Variants in GAREM1 observed in about 807,000 individuals in gnomAD.
The protein encoded by GAREM1 is GRB2-associated and regulator of MAPK protein 1.
A neutral mutation model predicts 71.3 loss-of-function variants in GAREM1; 26 were observed. That is an observed-to-expected ratio of 0.36 (90% CI 0.27 to 0.51). The LOEUF is 0.51. Ranked by LOEUF, GAREM1 falls within the 20% of genes least tolerant of loss-of-function variation. The pLI is 0.95. For synonymous variants in GAREM1, 440 were observed against 433.2 expected (o/e 1.02, Z -0.20); for missense variants, 1,026 against 1,103.1 (o/e 0.93, Z 0.99).
At chr18:32,415,678 T>C (rs11872355) in intron 1 of GAREM1, among the ~76,000 whole-genome samples, 15,214 of 152,074 alleles carry the variant, frequency 0.1, 961 homozygotes, top group African/African-American at 0.18. Context: ...AACATACCTT[T>C]ATGATAAAAA....
At chr18:32,275,591 C>T (rs992185900) in intron 4 of GAREM1, among the ~76,000 whole-genome samples, 1 of 152,226 alleles carries the variant, frequency 6.6e-6, no homozygotes, top group African/African-American at 2.4e-5. Flanking sequence ...CAAAGCCTCG[C>T]TTCCTGAGCA....
Position 32,437,223 on chromosome 18 carries a change from T to C in GAREM1, c.121+33085A>G, listed in dbSNP as rs970712479. On this transcript the variant is annotated intron_variant, in intron 1 of 5. Coordinates refer to ENST00000269209, the MANE Select transcript of GAREM1 (RefSeq NM_001242409.2). ...TGGGCTTTAGCTGTTATTTCACGTG[T>C]TACTCAGCAATGACCTCGAGAGGAC... 2.0e-5 allele frequency among the ~76,000 whole-genome samples: 3 copies of C among 152,142 alleles called. No individual in the cohort carries two copies. In the East Asian group the frequency reaches 5.8e-4, roughly 29 times the overall value.
At chr18:32,446,767 T>C (rs922476694) in intron 1 of GAREM1, among the ~76,000 whole-genome samples, 1 of 152,188 alleles carries the variant, frequency 6.6e-6, no homozygotes, top group African/African-American at 2.4e-5. Context: ...ATTGCTTCCA[T>C]CAACACTTTT....
At chr18:32,315,590 C>T (rs1158570649) in intron 2 of GAREM1, among the ~76,000 whole-genome samples, 1 of 150,744 alleles carries the variant, frequency 6.6e-6, no homozygotes, top group Non-Finnish European at 1.5e-5. Context: ...GTATGTTTTA[C>T]ACTTAGGGAT....
rs2041370232 is a variant in GAREM1 at position 32,266,120 on chromosome 18, A to T, written c.*1751T>A. 6.7e-6 allele frequency: 1 copy of T among 150,296 alleles called. No individual in the cohort carries two copies. Among genetic ancestry groups the T allele is most frequent in the Non-Finnish European group, 1.5e-5 (1 of 67,792 alleles). 9.3% of individuals were successfully genotyped at this position (150,296 alleles called of 1,614,324 possible). A position where few individuals can be genotyped will look rare whatever the true frequency, so the allele number is the denominator to read the frequency against. The stretch of plus-strand genomic sequence containing the variant: ...ATTTTGGGAGACACGTTAGGAGAAA[A>T]AAAATGCTTTTTTTTTTGATAAAGG... On this transcript the variant is annotated 3_prime_UTR_variant, in exon 6 of 6. Coordinates refer to ENST00000269209, the MANE Select transcript of GAREM1 (RefSeq NM_001242409.2).
intron 2 of GAREM1, among the ~76,000 whole-genome samples, chr18:32,370,090 C>CA (rs1567983240): frequency 1.3e-5 from 2 of 152,138 alleles, no homozygotes; most frequent in African/African-American, 4.8e-5. Context: ...TACTTCATGG[C>CA]AATTTTAAAG....
At chr18:32,405,416 T>C (rs920399577) in intron 1 of GAREM1, among the ~76,000 whole-genome samples, 1 of 152,104 alleles carries the variant, frequency 6.6e-6, no homozygotes, top group Non-Finnish European at 1.5e-5. Context: ...CAGGCTGGTC[T>C]CAAACTCCTG....
intron 4 of GAREM1, among the ~76,000 whole-genome samples, chr18:32,270,890 C>T (rs1306556806): frequency 7.5e-6 from 1 of 134,072 alleles, no homozygotes; most frequent in East Asian, 2.2e-4. Flanking sequence ...AAGTCATGTT[C>T]AGGGATGTTT....
chr18:32,267,762 T>TA lies in GAREM1; in HGVS notation c.*108dup. 1.2e-6 allele frequency: 1 copy of TA among 813,718 alleles called. No homozygotes were observed. Among genetic ancestry groups the TA allele is most frequent in the South Asian group, 1.8e-5 (1 of 54,942 alleles). The allele number at this position is 813,718 out of a possible 1,614,324, so 50.4% of individuals were successfully genotyped here. A position where few individuals can be genotyped will look rare whatever the true frequency, so the allele number is the denominator to read the frequency against. On this transcript the variant is annotated 3_prime_UTR_variant, in exon 6 of 6. Transcript: ENST00000269209. ...GCATAGTAAGAGTTTCTCTTATCCC[T>TA]ATTTACAGAGAAGGTTTTTAGTGCA...
At chr18:32,309,198 G>A (rs958623115) in intron 3 of GAREM1, among the ~76,000 whole-genome samples, 9 of 150,048 alleles carry the variant, frequency 6.0e-5, no homozygotes, top group South Asian at 2.1e-4. Flanking sequence ...AAATGTGGAA[G>A]ATTTGCAGGC....
At chr18:32,330,988 A>C (rs2047528965) in intron 2 of GAREM1, among the ~76,000 whole-genome samples, 1 of 152,324 alleles carries the variant, frequency 6.6e-6, no homozygotes, top group African/African-American at 2.4e-5. Context: ...CTCTGACATA[A>C]GTACATCCTA....
At chr18:32,273,577 A>T (rs2041495195) in intron 4 of GAREM1, among the ~76,000 whole-genome samples, 1 of 152,186 alleles carries the variant, frequency 6.6e-6, no homozygotes, top group African/African-American at 2.4e-5. Context: ...TTTCTAAGCT[A>T]AAGGGCCTGG....
At chr18:32,286,306 G>A (rs556419354) in intron 4 of GAREM1, among the ~76,000 whole-genome samples, 1 of 150,930 alleles carries the variant, frequency 6.6e-6, no homozygotes, top group African/African-American at 2.5e-5. Context: ...GAACTACCCT[G>A]GCACCTGGTT....
chr18:32,333,504 T>C (rs1161190348), intron 2 of GAREM1, among the ~76,000 whole-genome samples: 1 of 152,152 alleles, frequency 6.6e-6, no homozygotes, highest in African/African-American at 2.4e-5. Context: ...AAAGAGAAGA[T>C]TGAGGCCCCT....
At position 32,324,631 on chromosome 18, in the gene GAREM1, C is replaced by T. The variant is rs146559872; in HGVS notation, c.263-14308G>A. Among the ~76,000 whole-genome samples, 589 of 152,280 alleles carry T rather than the reference C, an allele frequency of 3.9e-3. 5 individuals are homozygous for T. Among genetic ancestry groups the T allele is most frequent in the African/African-American group, 0.013 (559 of 41,554 alleles). ...AGGACAGTCCAAATTCTAACACCCA[C>T]GCCAGCTTGCGCATTGACTTGGATA... On this transcript the variant is annotated intron_variant, in intron 2 of 5. Coordinates refer to ENST00000269209, the MANE Select transcript of GAREM1 (RefSeq NM_001242409.2).
At chr18:32,469,413 C>A (rs191456553) in intron 1 of GAREM1, among the ~76,000 whole-genome samples, 2 of 152,166 alleles carry the variant, frequency 1.3e-5, no homozygotes, top group Non-Finnish European at 2.9e-5. Flanking sequence ...AGTCTAAAAT[C>A]GCATGACGCC....
chr18:32,325,957 T>C (rs944973558), intron 2 of GAREM1, among the ~76,000 whole-genome samples: 3 of 152,210 alleles, frequency 2.0e-5, no homozygotes, highest in African/African-American at 7.2e-5. Flanking sequence ...AAGTTTAGGA[T>C]GAAGATACAC....
At chr18:32,439,332 AG>A (rs1285778491) in intron 1 of GAREM1, among the ~76,000 whole-genome samples, 1 of 152,214 alleles carries the variant, frequency 6.6e-6, no homozygotes, top group African/African-American at 2.4e-5. Flanking sequence ...AACCAGAATT[AG>A]GTGACAATAA....
intron 1 of GAREM1, among the ~76,000 whole-genome samples, chr18:32,467,161 T>C (rs1272579447): frequency 1.3e-5 from 2 of 152,178 alleles, no homozygotes; most frequent in East Asian, 1.9e-4. Context: ...ATGTTTTTTT[T>C]CTCCTGTTCT....
Sources: allele counts gnomAD v4.1 joint callset (sites outside exome capture counted in the v4.1 genomes callset), GRCh38; gene constraint gnomAD v4.1.1; transcripts MANE v1.5; gene names NCBI Gene and HGNC (gene_info 2026-07-23, HGNC 2026-07-21).